Variants in MTOR observed in about 807,000 individuals in gnomAD.
MTOR encodes the protein mechanistic target of rapamycin kinase.
A neutral mutation model predicts 319.8 loss-of-function variants in MTOR; 70 were observed. The observed-to-expected ratio is 0.22, with a 90% CI of 0.18 to 0.27. MTOR has a LOEUF of 0.27. Among genes scored for constraint, MTOR ranks in the 10% least tolerant of loss-of-function variants. MTOR has a pLI of 1.00. For missense variants in MTOR, 1,890 were observed against 3,274.4 expected, an observed-to-expected ratio of 0.58 and a Z score of 10.32; for synonymous variants, 1,183 against 1,211.4, an observed-to-expected ratio of 0.98 and a Z score of 0.49.
rs1223429038 is a variant in MTOR, at chr1:11,257,020, A to G, written c.417T>C (p.Thr139=). ...CAAATTCCACGTACTCAGCGGTAAA[A>G]GTGTCCCCTGCCATGGCAAGACGGC... ...AIGRLAMAGD[T]FTAEYVEFEV... is the part of the protein sequence containing the mutation. The change falls in exon 4 of 58, where the codon ACT becomes ACC. Residue 139 remains threonine (T), a synonymous_variant. Transcript: ENST00000361445. The G allele has an allele frequency of 6.2e-7, 1 of 1,614,124 alleles. No homozygotes were observed. The highest frequency in any genetic ancestry group is 2.2e-5 in the East Asian group (1 of 44,870).
chr1:11,159,959 C>G (rs896008218), intron 29 of MTOR, among the ~76,000 whole-genome samples: 3 of 152,014 alleles, frequency 2.0e-5, no homozygotes, highest in Non-Finnish European at 2.9e-5. Flanking sequence ...CCTGCCAAGA[C>G]CACAAAGAAT....
chr1:11,204,647 C>A lies in MTOR; in HGVS notation c.3858G>T (p.Arg1286=). ...SKDDWLEWLR[R]LSLELLKDSS... is the part of the protein sequence containing the mutation. The stretch of plus-strand genomic sequence containing the variant: ...AGTCCTTCAGCAGCTCCAGGCTCAG[C>A]CGTCTCAGCCATTCCAGCCAGTCAT... Residue 1286 remains arginine (R), a synonymous_variant, in exon 26 of 58, where the codon CGG becomes CGT. Coordinates refer to ENST00000361445, the MANE Select transcript of MTOR (RefSeq NM_004958.4). 1 of 1,614,190 alleles carries A rather than the reference C, an allele frequency of 6.2e-7. No individual in the cohort carries two copies.
intron 19 of MTOR, among the ~76,000 whole-genome samples, chr1:11,218,002 T>C (rs890607196): frequency 2.6e-5 from 4 of 152,220 alleles, no homozygotes; most frequent in African/African-American, 9.6e-5. Context: ...GATTACAGCC[T>C]GGTCCCCATG....
intron 12 of MTOR, 62 bp from the exon 13 acceptor site, chr1:11,238,110 G>A (rs1647455119): frequency 6.6e-7 from 1 of 1,506,940 alleles, no homozygotes; most frequent in East Asian, 2.3e-5. Flanking sequence ...GCCCTTCCCA[G>A]CTTCTACCTC....
Position 11,168,344 on chromosome 1 carries a change from C to T in MTOR, c.4254-827G>A, listed in dbSNP as rs545640384. On this transcript the variant is annotated intron_variant, in intron 28 of 57. Transcript: ENST00000361445. ...CAGGTACACACCACAGCACCTGGCT[C>T]CTCTGAACTTCTAAGTCTTAACTTC... Among the ~76,000 whole-genome samples, 3 of 152,072 alleles carry T rather than the reference C, an allele frequency of 2.0e-5. No individual in the cohort carries two copies. In the South Asian group the frequency reaches 6.2e-4, roughly 32 times the overall value.
At chr1:11,241,184 G>A (rs1647964230) in intron 10 of MTOR, among the ~76,000 whole-genome samples, 1 of 151,934 alleles carries the variant, frequency 6.6e-6, no homozygotes, top group Non-Finnish European at 1.5e-5. Flanking sequence ...AGCCAGGCGT[G>A]GTGGCAGGCG....
At chr1:11,232,565 A>G in intron 15 of MTOR, 37 bp from the exon 16 acceptor site, 1 of 1,568,172 alleles carries the variant, frequency 6.4e-7, no homozygotes, top group Non-Finnish European at 8.8e-7. Context: ...AAAGGGTTAG[A>G]AATTCTGGCA....
chr1:11,123,077 A>G (rs927580220), intron 47 of MTOR, among the ~76,000 whole-genome samples: 61 of 152,092 alleles, frequency 4.0e-4, no homozygotes, highest in Non-Finnish European at 1.3e-4. Context: ...TTCATCCCAC[A>G]AGGGGTCAGA....
chr1:11,126,274 C>T lies in MTOR; in HGVS notation c.6526+348G>A, dbSNP rs557530190. On this transcript the variant is annotated intron_variant, in intron 46 of 57. Transcript: ENST00000361445. ...AAAAATTTCAAGAGCCAGAAGCCCC[C>T]GTTTCAGAGGAGCTAGCACCTTCCC... 9.9e-4 allele frequency among the ~76,000 whole-genome samples: 150 copies of T among 152,202 alleles called. 1 individual carries two copies. Among genetic ancestry groups the T allele is most frequent in the South Asian group, 5.2e-3 (25 of 4,816 alleles).
At chr1:11,153,204 A>G (rs1445235016) in intron 30 of MTOR, among the ~76,000 whole-genome samples, 2 of 152,198 alleles carry the variant, frequency 1.3e-5, no homozygotes, top group African/African-American at 2.4e-5. Context: ...AGGGGCCAGG[A>G]GAGGTTTCAA....
At chr1:11,231,148 A>G (rs1647002628) in intron 17 of MTOR, 94 bp from the exon 18 acceptor site, 2 of 1,597,270 alleles carry the variant, frequency 1.3e-6, no homozygotes, top group Admixed American at 3.4e-5. Context: ...CATAATCCCC[A>G]GTTCATATCC....
At chr1:11,125,046 G>A (rs1427377094) in intron 46 of MTOR, among the ~76,000 whole-genome samples, 1 of 152,150 alleles carries the variant, frequency 6.6e-6, no homozygotes, top group African/African-American at 2.4e-5. Flanking sequence ...GTCAGGGTAT[G>A]TGTCCCCCAT....
chr1:11,214,280 C>T (rs1370828560), intron 20 of MTOR, among the ~76,000 whole-genome samples: 1 of 152,234 alleles, frequency 6.6e-6, no homozygotes, highest in African/African-American at 2.4e-5. Context: ...CAGGCCTGAA[C>T]AGTGCCACAA....
At chr1:11,201,629 AAAG>A (rs1478172026) in intron 26 of MTOR, among the ~76,000 whole-genome samples, 6 of 152,230 alleles carry the variant, frequency 3.9e-5, no homozygotes, top group African/African-American at 9.6e-5. Context: ...TTTAAGAAAT[AAAG>A]AAGAGAATAA....
In MTOR at chr1:11,128,679, T is replaced by C; in HGVS notation, c.5812-127A>G. ...CTGAAATGGTTCATTCCCTTCCCTTTAGTTTCTAAAAGAAAATAAAGAAAA... is the reference window on the plus strand; with the variant it reads ...CTGAAATGGTTCATTCCCTTCCCTTCAGTTTCTAAAAGAAAATAAAGAAAA... On this transcript the variant is annotated intron_variant, in intron 41 of 57. Transcript: ENST00000361445. This position sits in a 1 kb window ranked among gnomAD's most constrained non-coding sequence, Gnocchi z 5.3. The C allele has an allele frequency of 3.6e-6, 4 of 1,110,508 alleles. 1 individual carries two copies. In the Admixed American group the frequency reaches 6.7e-5, roughly 19 times the overall value. The allele number at this position is 1,110,508 out of a possible 1,614,324, so 68.8% of individuals were successfully genotyped here. A position where few individuals can be genotyped will look rare whatever the true frequency, so the allele number is the denominator to read the frequency against.
chr1:11,112,254 T>C (rs1166610772), intron 54 of MTOR, among the ~76,000 whole-genome samples: 2 of 152,204 alleles, frequency 1.3e-5, no homozygotes, highest in African/African-American at 2.4e-5. Flanking sequence ...TATCAATGCT[T>C]GAGGACCAAG....
chr1:11,220,368 G>C (rs1172113319), intron 19 of MTOR, among the ~76,000 whole-genome samples: 1 of 151,982 alleles, frequency 6.6e-6, no homozygotes, highest in African/African-American at 2.4e-5. Context: ...AATATTCTTG[G>C]CTAAAAAAAT....
Position 11,247,938 on chromosome 1 carries a change from G to A in MTOR, c.997C>T (p.Leu333=), listed in dbSNP as rs1288590431. The A allele has an allele frequency of 6.2e-7, 1 of 1,614,140 alleles. No homozygotes were observed. Among genetic ancestry groups the A allele is most frequent in the Non-Finnish European group, 8.5e-7 (1 of 1,180,028 alleles). ...QPQQSNALVG[L]LGYSSHQGLM... is the part of the protein sequence containing the mutation. Reference sequence around the variant, plus strand: ...CCTTGGTGAGAGCTGTACCCCAGCAGCCCCACCAAGGCATTTGACTGCTGG... The same window carrying A: ...CCTTGGTGAGAGCTGTACCCCAGCAACCCCACCAAGGCATTTGACTGCTGG... Residue 333 remains leucine (L), a synonymous_variant, in exon 7 of 58, where the codon CTG becomes TTG. Coordinates refer to ENST00000361445, the MANE Select transcript of MTOR (RefSeq NM_004958.4).
In MTOR at chr1:11,109,642, A is replaced by C. The variant is rs1452469031; in HGVS notation, c.7447+7T>G. On this transcript the variant is annotated splice_region_variant and intron_variant, in intron 55 of 57. Coordinates refer to ENST00000361445, the MANE Select transcript of MTOR (RefSeq NM_004958.4). This position sits in a 1 kb window ranked among gnomAD's most constrained non-coding sequence, Gnocchi z 4.0. Reference sequence around the variant, plus strand: ...CACTGGTGCGGTTCCTCAGAGGCTGAACTTACTGAAAGAATGAATAGATTC... The same window carrying C: ...CACTGGTGCGGTTCCTCAGAGGCTGCACTTACTGAAAGAATGAATAGATTC... The C allele has an allele frequency of 5.0e-6, 8 of 1,613,728 alleles. No homozygotes were observed. The highest frequency in any genetic ancestry group is 4.0e-5 in the African/African-American group (3 of 74,924).
Sources: gnomAD v4.1 joint callset for allele counts (sites outside exome capture counted in the v4.1 genomes callset) on GRCh38, gnomAD v4.1.1 for gene constraint, Gnocchi (gnomAD v3.1) non-coding constraint, MANE v1.5 for transcripts, NCBI Gene and HGNC (gene_info 2026-07-23, HGNC 2026-07-21) for gene names.